SOX6: variants seen among roughly 807,000 people sequenced by gnomAD.
SOX6 encodes the protein transcription factor SOX-6.
SOX6 carries 11 observed loss-of-function variants against 97.8 expected under a neutral mutation model. The ratio of observed to expected loss-of-function variants is 0.11; its 90% CI spans 0.07 to 0.19. The LOEUF (loss-of-function observed/expected upper bound fraction) is 0.19. Ranked by LOEUF, SOX6 falls within the 10% of genes least tolerant of loss-of-function variation. The pLI is 1.00. For synonymous variants in SOX6, 360 were observed against 371.4 expected, an observed-to-expected ratio of 0.97 and a Z score of 0.35; for missense variants, 810 against 1,039.5, an observed-to-expected ratio of 0.78 and a Z score of 3.04.
At chr11:16,453,672 T>C (rs1338535170) in intron 1 of SOX6, among the ~76,000 whole-genome samples, 1 of 152,156 alleles carries the variant, frequency 6.6e-6, no homozygotes, top group Admixed American at 6.6e-5. Flanking sequence ...TAGAGTTATA[T>C]TGCTAAGCTA....
chr11:16,593,639 A>G (rs2133973809), intron 4 of SOX6, among the ~76,000 whole-genome samples: 1 of 152,322 alleles, frequency 6.6e-6, no homozygotes, highest in East Asian at 1.9e-4. Context: ...ATATTTTTGT[A>G]CTGTAATCAG....
At chr11:16,351,140 G>C (rs1012674159) in intron 1 of SOX6, among the ~76,000 whole-genome samples, 3 of 152,000 alleles carry the variant, frequency 2.0e-5, no homozygotes, top group Non-Finnish European at 2.9e-5. Context: ...ACCAAGATAT[G>C]CTCTGCAATT....
intron 1 of SOX6, among the ~76,000 whole-genome samples, chr11:16,447,923 A>C (rs537411627): frequency 6.6e-5 from 10 of 152,204 alleles, no homozygotes; most frequent in Non-Finnish European, 1.5e-4. Context: ...CTGTCAGCCA[A>C]AGACAGGGCA....
chr11:16,110,865 G>T (rs961294030), intron 7 of SOX6, among the ~76,000 whole-genome samples: 1 of 152,106 alleles, frequency 6.6e-6, no homozygotes, highest in African/African-American at 2.4e-5. Flanking sequence ...AAACGCCTTT[G>T]TTCACTTTAT....
intron 3 of SOX6, chr11:16,316,309 C>G (rs1855757333): frequency 6.6e-6 from 1 of 151,444 alleles, no homozygotes; most frequent in African/African-American, 2.4e-5. Context: ...ATTCACTGTT[C>G]CAGATTTGTG....
At chr11:16,024,410 T>C (rs758484802) in intron 12 of SOX6, among the ~76,000 whole-genome samples, 7 of 151,726 alleles carry the variant, frequency 4.6e-5, no homozygotes, top group Middle Eastern at 3.2e-3. Context: ...TAAAGCAGCA[T>C]ATTTTAGAGA....
At chr11:16,019,930 C>T (rs548394565) in intron 12 of SOX6, among the ~76,000 whole-genome samples, 2 of 152,232 alleles carry the variant, frequency 1.3e-5, no homozygotes, top group South Asian at 4.1e-4. Context: ...CTCAGAGTTT[C>T]AGCTATGTCT....
intron 4 of SOX6, among the ~76,000 whole-genome samples, chr11:16,494,451 T>C (rs559993598): frequency 6.6e-6 from 1 of 152,302 alleles, no homozygotes; most frequent in African/African-American, 2.4e-5. Context: ...ATCCTCAATA[T>C]GTATTGTGAA....
intron 3 of SOX6, among the ~76,000 whole-genome samples, chr11:16,711,860 T>C (rs1590060947): frequency 6.6e-6 from 1 of 152,094 alleles, no homozygotes; most frequent in South Asian, 2.1e-4. Flanking sequence ...CTTTTATCCC[T>C]CATCCCCCTC....
intron 12 of SOX6, among the ~76,000 whole-genome samples, chr11:16,017,525 T>G (rs886161073): frequency 1.3e-5 from 2 of 152,118 alleles, no homozygotes; most frequent in Non-Finnish European, 2.9e-5. Flanking sequence ...TTTCGTTCTT[T>G]TCTTCAAAGA....
intron 4 of SOX6, among the ~76,000 whole-genome samples, chr11:16,499,088 C>A (rs1206160901): frequency 6.6e-6 from 1 of 152,182 alleles, no homozygotes; most frequent in East Asian, 1.9e-4. Context: ...TGTAAAAGAA[C>A]AGAAATTATA....
chr11:16,513,011 A>G (rs1342900461), intron 4 of SOX6, among the ~76,000 whole-genome samples: 1 of 152,220 alleles, frequency 6.6e-6, no homozygotes, highest in African/African-American at 2.4e-5. Flanking sequence ...ACATATGGAA[A>G]GGAAGCAATG....
At chr11:16,310,934 C>G (rs975163848) in intron 3 of SOX6, among the ~76,000 whole-genome samples, 5 of 151,938 alleles carry the variant, frequency 3.3e-5, no homozygotes, top group African/African-American at 9.7e-5. Context: ...AAAACATGGG[C>G]TTTTAATAGA....
At chr11:16,192,714 A>G (rs1349237198) in intron 4 of SOX6, among the ~76,000 whole-genome samples, 1 of 152,210 alleles carries the variant, frequency 6.6e-6, no homozygotes, top group Non-Finnish European at 1.5e-5. Flanking sequence ...GAGATAAATA[A>G]GGCAATTCTC....
At chr11:16,496,914 G>C (rs1860608839) in intron 4 of SOX6, among the ~76,000 whole-genome samples, 1 of 152,198 alleles carries the variant, frequency 6.6e-6, no homozygotes, top group African/African-American at 2.4e-5. Context: ...CAGACAAAAG[G>C]CAGCAGAAAC....
chr11:16,038,047 T>C (rs1167843542), intron 12 of SOX6, among the ~76,000 whole-genome samples: 1 of 152,096 alleles, frequency 6.6e-6, no homozygotes, highest in Non-Finnish European at 1.5e-5. Context: ...AAAATAACAA[T>C]ACAAATAATA....
intron 2 of SOX6, among the ~76,000 whole-genome samples, chr11:16,334,953 G>C (rs972234308): frequency 1.3e-5 from 2 of 151,962 alleles, no homozygotes; most frequent in African/African-American, 4.8e-5. Flanking sequence ...TTTTTCTAAA[G>C]GACAGTGCAC....
intron 9 of SOX6, among the ~76,000 whole-genome samples, chr11:16,086,435 C>T (rs75483924): frequency 0.011 from 1,637 of 152,282 alleles, 24 homozygotes; most frequent in African/African-American, 0.037. Flanking sequence ...ACAGTTCCCG[C>T]AGACTCCTGG....
chr11:16,121,195 G>A (rs1849481918), intron 6 of SOX6, among the ~76,000 whole-genome samples: 1 of 151,958 alleles, frequency 6.6e-6, no homozygotes, highest in Admixed American at 6.6e-5. Flanking sequence ...ATTTGTACAT[G>A]TTCTATTTAA....
Sources: allele counts gnomAD v4.1 joint callset (sites outside exome capture counted in the v4.1 genomes callset), GRCh38; gene constraint gnomAD v4.1.1; transcripts MANE v1.5; gene names NCBI Gene and HGNC (gene_info 2026-07-23, HGNC 2026-07-21).